The following BNC2 variants were observed in gnomAD, a reference collection of about 807,000 sequenced individuals.
BNC2 encodes the protein zinc finger protein basonuclin-2.
Under a neutral mutation model 76.3 loss-of-function variants are expected in BNC2, and 20 were observed. The ratio of observed to expected loss-of-function variants is 0.26; its 90% CI spans 0.18 to 0.38. The LOEUF (loss-of-function observed/expected upper bound fraction) is 0.38. BNC2 is among the 10% of genes least tolerant of loss of function. The pLI, the probability that BNC2 is intolerant of heterozygous loss-of-function variation, is 1.00. For synonymous variants in BNC2, 582 were observed against 514.8 expected (o/e 1.13, Z -1.77); for missense variants, 1,382 against 1,399.8 (o/e 0.99, Z 0.20).
chr9:16,507,289 G>A (rs1033519386), intron 5 of BNC2, among the ~76,000 whole-genome samples: 1 of 117,844 alleles, frequency 8.5e-6, no homozygotes, highest in African/African-American at 3.4e-5. Context: ...ACGGAGTCTC[G>A]TTCTGTCGCC....
At chr9:16,564,765 C>T (rs909270275) in intron 4 of BNC2, among the ~76,000 whole-genome samples, 5 of 152,026 alleles carry the variant, frequency 3.3e-5, no homozygotes, top group African/African-American at 1.2e-4. Context: ...AAGACAATTA[C>T]CCATAATCCC....
chr9:16,814,549 C>T (rs188781690), intron 1 of BNC2, among the ~76,000 whole-genome samples: 11 of 152,292 alleles, frequency 7.2e-5, no homozygotes, highest in Admixed American at 2.0e-4. Context: ...GAAATGCATG[C>T]AAACCCAAAC....
intron 1 of BNC2, among the ~76,000 whole-genome samples, chr9:16,767,396 G>A (rs569391725): frequency 6.6e-6 from 1 of 152,322 alleles, no homozygotes; most frequent in South Asian, 2.1e-4. Flanking sequence ...CAATGTGAAA[G>A]GCCCCTAAGG....
intron 1 of BNC2, among the ~76,000 whole-genome samples, chr9:16,852,682 C>G (rs764777251): frequency 6.6e-6 from 1 of 151,804 alleles, no homozygotes; most frequent in Non-Finnish European, 1.5e-5. Context: ...GGGTAAGAGA[C>G]CAAAGAAACA....
intron 1 of BNC2, among the ~76,000 whole-genome samples, chr9:16,792,161 A>G (rs1817529131): frequency 6.6e-6 from 1 of 151,978 alleles, no homozygotes; most frequent in Admixed American, 6.6e-5. Flanking sequence ...CTCAGTATGC[A>G]CCAGGAACTA....
intron 1 of BNC2, among the ~76,000 whole-genome samples, chr9:16,750,683 T>C (rs1461118189): frequency 1.3e-5 from 2 of 152,218 alleles, no homozygotes; most frequent in South Asian, 2.1e-4. Context: ...CCGTAACACA[T>C]TCTTGCCAAA....
intron 1 of BNC2, among the ~76,000 whole-genome samples, chr9:16,796,517 A>G (rs1424390314): frequency 6.6e-6 from 1 of 151,492 alleles, no homozygotes; most frequent in Non-Finnish European, 1.5e-5. Context: ...GCTTGCAGTA[A>G]GCCGAGATCA....
intron 5 of BNC2, among the ~76,000 whole-genome samples, chr9:16,487,027 AT>A (rs1433275717): frequency 6.6e-6 from 1 of 152,164 alleles, no homozygotes; most frequent in Admixed American, 6.5e-5. Flanking sequence ...CGTTAATCTC[AT>A]TTTTGCCTTT....
intron 5 of BNC2, among the ~76,000 whole-genome samples, chr9:16,510,677 C>T (rs1258614460): frequency 6.6e-6 from 1 of 152,152 alleles, no homozygotes; most frequent in Non-Finnish European, 1.5e-5. Context: ...CAAACTATGG[C>T]ACATGACAGG....
At chr9:16,833,071 T>C (rs1374180207) in intron 1 of BNC2, among the ~76,000 whole-genome samples, 1 of 143,542 alleles carries the variant, frequency 7.0e-6, no homozygotes, top group Non-Finnish European at 1.5e-5. Context: ...CAGAAGTAAA[T>C]CAATTCACCC....
chr9:16,520,184 A>G (rs952065695), intron 5 of BNC2, among the ~76,000 whole-genome samples: 2 of 152,196 alleles, frequency 1.3e-5, no homozygotes, highest in Admixed American at 1.3e-4. Context: ...TGGGACTCTC[A>G]GGCAAGAGTA....
rs143021699 is a variant in BNC2, at chr9:16,616,614, A to G, written c.331-33529T>C. 4.3e-3 allele frequency among the ~76,000 whole-genome samples: 645 copies of G among 151,448 alleles called. 6 individuals carry two copies. The highest frequency in any genetic ancestry group is 7.6e-3 in the Non-Finnish European group (517 of 67,816). On this transcript the variant is annotated intron_variant, in intron 3 of 6. Transcript: ENST00000380672. ...GGCAGGAGAATCTCTACTTGAGCCCAGGAGATCAAGGCTACAGGGAGCTGA... is the reference window on the plus strand; with the variant it reads ...GGCAGGAGAATCTCTACTTGAGCCCGGGAGATCAAGGCTACAGGGAGCTGA...
At chr9:16,530,518 C>G (rs927586892) in intron 5 of BNC2, among the ~76,000 whole-genome samples, 1 of 151,976 alleles carries the variant, frequency 6.6e-6, no homozygotes, top group Admixed American at 6.6e-5. Context: ...GGAGAGAGGG[C>G]GATGATCAAG....
In BNC2 at chr9:16,421,528, G is replaced by A. The variant is rs556139059; in HGVS notation, c.2640-1879C>T. ...CTGTATAATCCAAAAATCATAAATC[G>A]AATTAACACAAACCAAATTCACAGC... On this transcript the variant is annotated intron_variant, in intron 6 of 6. Transcript: ENST00000380672. Among the ~76,000 whole-genome samples the A allele has an allele frequency of 1.3e-4, 20 of 152,178 alleles. 1 individual carries two copies. In the East Asian group the frequency reaches 3.1e-3, roughly 24 times the overall value.
intron 5 of BNC2, among the ~76,000 whole-genome samples, chr9:16,542,003 A>G (rs1194209734): frequency 1.3e-5 from 2 of 151,852 alleles, no homozygotes; most frequent in Admixed American, 6.6e-5. Flanking sequence ...ATCAAGAAAG[A>G]AAAAAAAATC....
chr9:16,830,526 C>T lies in BNC2; in HGVS notation c.3+40120G>A, dbSNP rs866089116. On this transcript the variant is annotated intron_variant, in intron 1 of 6. Transcript: ENST00000380672. ...ATATTCTATACTGAAACATCAGCAA[C>T]GATGTAACATTTTCTGGATTTTTTC... Among the ~76,000 whole-genome samples, 5 of 152,268 alleles carry T rather than the reference C, an allele frequency of 3.3e-5. 1 individual carries two copies. Among genetic ancestry groups the T allele is most frequent in the Non-Finnish European group, 5.9e-5 (4 of 68,026 alleles).
At position 16,436,736 on chromosome 9, in the gene BNC2, A is replaced by G; in HGVS notation, c.1458T>C (p.Arg486=). Residue 486 remains arginine, a synonymous_variant, in exon 6 of 7, where the codon CGT becomes CGC. Transcript: ENST00000380672. ...GATTGGGGTTTGCACTGTGGCGATT[A>G]CGACTTCGGAGGGAGCTAAAGACCA... ...CNMVFSSLRS[R]NRHSANPNPR... is the part of the protein sequence containing the mutation. The G allele has an allele frequency of 1.9e-6, 3 of 1,614,164 alleles. No individual in the cohort carries two copies. The highest frequency in any genetic ancestry group is 2.5e-6 in the Non-Finnish European group (3 of 1,180,020).
intron 1 of BNC2, among the ~76,000 whole-genome samples, chr9:16,768,536 T>C (rs906871030): frequency 4.6e-5 from 7 of 152,048 alleles, no homozygotes; most frequent in Admixed American, 1.3e-4. Flanking sequence ...ATAGACCAAA[T>C]GCACATGTTA....
chr9:16,550,499 G>A (rs1407310365), intron 5 of BNC2, among the ~76,000 whole-genome samples: 4 of 152,140 alleles, frequency 2.6e-5, no homozygotes, highest in Non-Finnish European at 5.9e-5. Flanking sequence ...TAAAAAACAG[G>A]CACTGGCCAA....
Sources: allele counts gnomAD v4.1 joint callset (sites outside exome capture counted in the v4.1 genomes callset), GRCh38; gene constraint gnomAD v4.1.1; transcripts MANE v1.5; gene names NCBI Gene and HGNC (gene_info 2026-07-23, HGNC 2026-07-21).